Variants in IQCM observed in about 807,000 individuals in gnomAD.
IQCM encodes the protein IQ domain-containing protein M.
IQCM carries 45 observed loss-of-function variants against 57.6 expected under a neutral mutation model. That is an observed-to-expected ratio of 0.78 (90% CI 0.62 to 1.00). The LOEUF is 1.00. IQCM is among the 50% of genes least tolerant of loss of function. The pLI is 0.00. For missense variants in IQCM, 468 were observed against 511.6 expected (o/e 0.91, Z 0.82); for synonymous variants, 148 against 158.9 (o/e 0.93, Z 0.51).
At chr4:149,681,078 A>G (rs1762141114) in intron 7 of IQCM, among the ~76,000 whole-genome samples, 1 of 151,338 alleles carries the variant, frequency 6.6e-6, no homozygotes, top group Non-Finnish European at 1.5e-5. Context: ...AATAAATTCT[A>G]AATGTCACAG....
intron 12 of IQCM, among the ~76,000 whole-genome samples, chr4:149,461,940 T>A (rs1194378554): frequency 6.6e-6 from 1 of 152,096 alleles, no homozygotes; most frequent in African/African-American, 2.4e-5. Context: ...AAAACTTGGA[T>A]TAGTCTTAAC....
chr4:149,637,396 A>G (rs1180105420), intron 7 of IQCM, among the ~76,000 whole-genome samples: 1 of 152,160 alleles, frequency 6.6e-6, no homozygotes, highest in Non-Finnish European at 1.5e-5. Context: ...TAAATTAATA[A>G]AGAGATACAC....
chr4:149,410,386 G>A (rs995653430), intron 13 of IQCM, among the ~76,000 whole-genome samples: 3 of 151,388 alleles, frequency 2.0e-5, no homozygotes, highest in African/African-American at 7.3e-5. Flanking sequence ...CCTCTTGGAC[G>A]GAGATTGTTC....
rs112648482 is a variant in IQCM, at chr4:149,542,781, G to A, written c.1228+5674C>T. Among the ~76,000 whole-genome samples the A allele has an allele frequency of 7.6e-4, 116 of 152,056 alleles. 3 individuals carry two copies. The highest frequency in any genetic ancestry group is 2.6e-3 in the African/African-American group (110 of 41,518). ...ATGTAAGAATTATTTATGAATAATA[G>A]CAAACTTTTATTGTGCACTTACAAT... On this transcript the variant is annotated intron_variant, in intron 12 of 13. Coordinates refer to ENST00000636793, the MANE Select transcript of IQCM (RefSeq NM_001363507.2).
At chr4:149,419,526 A>G (rs1421048565) in intron 13 of IQCM, among the ~76,000 whole-genome samples, 5 of 152,110 alleles carry the variant, frequency 3.3e-5, no homozygotes, top group Non-Finnish European at 5.9e-5. Flanking sequence ...TAAGACCCCA[A>G]ACTATAAAAA....
chr4:149,677,541 A>G (rs943079877), intron 7 of IQCM, among the ~76,000 whole-genome samples: 2 of 152,082 alleles, frequency 1.3e-5, no homozygotes, highest in African/African-American at 4.8e-5. Flanking sequence ...AAAAAAATAA[A>G]AGAAGCAAGA....
intron 12 of IQCM, among the ~76,000 whole-genome samples, chr4:149,468,349 G>A (rs1039690449): frequency 2.0e-5 from 3 of 152,212 alleles, no homozygotes; most frequent in Admixed American, 1.3e-4. Context: ...AGCTCAGAGG[G>A]TCCCACACCC....
intron 12 of IQCM, among the ~76,000 whole-genome samples, chr4:149,547,275 A>G (rs965019250): frequency 1.3e-5 from 2 of 152,028 alleles, no homozygotes; most frequent in African/African-American, 4.8e-5. Context: ...GCTTTGTTAA[A>G]AAGTGGTATT....
At chr4:149,581,307 TTG>T (rs144585513) in intron 9 of IQCM, among the ~76,000 whole-genome samples, 1,585 of 148,884 alleles carry the variant, frequency 0.011, 31 homozygotes, top group African/African-American at 0.036. Flanking sequence ...ATATATATAC[TTG>T]TGTGTGTGTG....
At chr4:149,679,911 A>G (rs1223033864) in intron 7 of IQCM, among the ~76,000 whole-genome samples, 3 of 151,460 alleles carry the variant, frequency 2.0e-5, no homozygotes, top group Non-Finnish European at 4.4e-5. Flanking sequence ...AACCATAAAA[A>G]GTATTCATTA....
chr4:149,638,697 A>C (rs987746705), intron 7 of IQCM, among the ~76,000 whole-genome samples: 1 of 152,232 alleles, frequency 6.6e-6, no homozygotes, highest in Non-Finnish European at 1.5e-5. Context: ...AATTCCAATC[A>C]GTGAATTAGC....
intron 2 of IQCM, among the ~76,000 whole-genome samples, chr4:149,786,491 C>G (rs534914644): frequency 6.6e-6 from 1 of 152,108 alleles, no homozygotes; most frequent in African/African-American, 2.4e-5. Context: ...AGAAAAAGAA[C>G]AAACAAAAAC....
intron 13 of IQCM, among the ~76,000 whole-genome samples, chr4:149,358,198 T>C (rs559760876): frequency 2.0e-5 from 3 of 152,322 alleles, no homozygotes; most frequent in East Asian, 1.9e-4. Flanking sequence ...AAAAACCAGC[T>C]CCTGGATTCA....
intron 7 of IQCM, among the ~76,000 whole-genome samples, chr4:149,622,081 A>G (rs1283859508): frequency 1.3e-5 from 2 of 152,180 alleles, no homozygotes; most frequent in Non-Finnish European, 2.9e-5. Context: ...AAATTCTCTC[A>G]CTTCATTGCT....
At chr4:149,357,340 C>T (rs1729077479) in intron 13 of IQCM, among the ~76,000 whole-genome samples, 2 of 152,096 alleles carry the variant, frequency 1.3e-5, no homozygotes, top group African/African-American at 4.8e-5. Flanking sequence ...CAAAGGAATG[C>T]TTCCAGTTTT....
intron 5 of IQCM, among the ~76,000 whole-genome samples, chr4:149,700,801 A>T (rs971889107): frequency 2.6e-5 from 4 of 152,004 alleles, no homozygotes; most frequent in African/African-American, 9.7e-5. Flanking sequence ...TGATGCATTA[A>T]ATAAGCTATA....
intron 12 of IQCM, among the ~76,000 whole-genome samples, chr4:149,501,281 G>A (rs1232399377): frequency 6.6e-6 from 1 of 152,136 alleles, no homozygotes; most frequent in African/African-American, 2.4e-5. Context: ...TTTTCTTGCT[G>A]TTTAGCCATT....
At chr4:149,584,379 T>C (rs1752473853) in intron 9 of IQCM, among the ~76,000 whole-genome samples, 1 of 151,642 alleles carries the variant, frequency 6.6e-6, no homozygotes, top group Non-Finnish European at 1.5e-5. Flanking sequence ...GTTTTATAAG[T>C]TTTCATCTAT....
chr4:149,750,262 C>A (rs1768307259), intron 2 of IQCM, among the ~76,000 whole-genome samples: 1 of 152,216 alleles, frequency 6.6e-6, no homozygotes, highest in African/African-American at 2.4e-5. Context: ...AAACTGGTTT[C>A]AGAAAAGTTC....
Sources: gnomAD v4.1 joint callset for allele counts (sites outside exome capture counted in the v4.1 genomes callset) on GRCh38, gnomAD v4.1.1 for gene constraint, MANE v1.5 for transcripts, NCBI Gene and HGNC (gene_info 2026-07-23, HGNC 2026-07-21) for gene names.